PRH1: variants seen among roughly 807,000 people sequenced by gnomAD.
PRH1 encodes proline rich protein HaeIII subfamily 1.
PRH1 carries 7 observed loss-of-function variants against 7.9 expected under a neutral mutation model. The observed-to-expected ratio is 0.89, with a 90% CI of 0.50 to 1.67. PRH1 has a LOEUF of 1.67. PRH1 is among the 40% of genes most tolerant of loss of function. The pLI is 0.00. For missense variants in PRH1, 109 were observed against 223.6 expected (o/e 0.49, Z 3.27); for synonymous variants, 45 against 80.8 (o/e 0.56, Z 2.38).
intron 2 of PRH1, among the ~76,000 whole-genome samples, chr12:10,965,627 A>G (rs1041906322): frequency 1.3e-5 from 2 of 152,350 alleles, no homozygotes; most frequent in South Asian, 2.1e-4. Flanking sequence ...CTTGTTAGAT[A>G]CTGAAGTAGA....
chr12:11,117,444 T>C (rs1430034444), downstream of PRH1, among the ~76,000 whole-genome samples: 2 of 152,166 alleles, frequency 1.3e-5, no homozygotes, highest in Non-Finnish European at 2.9e-5. Context: ...AGATAGTCCA[T>C]GTTCATGGAT....
At chr12:10,953,303 G>T (rs1024576293) in intron 2 of PRH1, among the ~76,000 whole-genome samples, 5 of 152,100 alleles carry the variant, frequency 3.3e-5, no homozygotes, top group African/African-American at 7.2e-5. Flanking sequence ...ACCATGGATA[G>T]GAACAAAGAT....
chr12:11,125,579 CAAAAT>C (rs1325298188), intron 1 of PRH1, among the ~76,000 whole-genome samples: 3 of 152,278 alleles, frequency 2.0e-5, no homozygotes, highest in Non-Finnish European at 4.4e-5. Flanking sequence ...TTTGTAGTAT[CAAAAT>C]ATTTTTCCTC....
intron 1 of PRH1, among the ~76,000 whole-genome samples, chr12:11,087,893 G>A (rs1178509151): frequency 9.1e-6 from 1 of 109,642 alleles, no homozygotes; most frequent in South Asian, 2.5e-4. Context: ...TTGGTGAATG[G>A]TTCTTAATCT....
At chr12:11,039,764 GCTA>G (rs1942625905) in intron 1 of PRH1, among the ~76,000 whole-genome samples, 1 of 152,196 alleles carries the variant, frequency 6.6e-6, no homozygotes, top group Non-Finnish European at 1.5e-5. Flanking sequence ...AATCCTGGTG[GCTA>G]CTAATACTTT....
At chr12:11,044,834 G>A (rs1196251369) in intron 1 of PRH1, among the ~76,000 whole-genome samples, 1 of 152,092 alleles carries the variant, frequency 6.6e-6, no homozygotes, top group East Asian at 1.9e-4. Flanking sequence ...TGGAGAAACG[G>A]GAACCATTCT....
intron 1 of PRH1, among the ~76,000 whole-genome samples, chr12:11,046,523 G>A (rs1942904557): frequency 6.6e-6 from 1 of 152,000 alleles, no homozygotes; most frequent in South Asian, 2.1e-4. Context: ...GTTTTCTTCT[G>A]ACGTTTTAGT....
intron 1 of PRH1, among the ~76,000 whole-genome samples, chr12:11,005,467 G>A (rs926670284): frequency 6.6e-6 from 1 of 152,066 alleles, no homozygotes; most frequent in Non-Finnish European, 1.5e-5. Flanking sequence ...GACCACTGTG[G>A]ATTGATTTTT....
At chr12:10,936,144 C>T (rs563051683) in intron 2 of PRH1, among the ~76,000 whole-genome samples, 2 of 151,852 alleles carry the variant, frequency 1.3e-5, no homozygotes, top group African/African-American at 4.8e-5. Context: ...CCCACCACCC[C>T]GCCCCCACAC....
At chr12:10,950,470 C>G (rs1047719721) in intron 2 of PRH1, among the ~76,000 whole-genome samples, 7 of 151,776 alleles carry the variant, frequency 4.6e-5, no homozygotes, top group Admixed American at 4.6e-4. Flanking sequence ...TGAAATGTAA[C>G]TGTAGTTTAA....
At chr12:11,051,510 C>A (rs1235264418), upstream of PRH1, among the ~76,000 whole-genome samples, 1 of 152,134 alleles carries the variant, frequency 6.6e-6, no homozygotes, top group East Asian at 1.9e-4. Context: ...GTCATAAACA[C>A]TCATGTAACC....
At chr12:10,885,635 G>C (rs1424888366), upstream of PRH1, among the ~76,000 whole-genome samples, 1 of 152,200 alleles carries the variant, frequency 6.6e-6, no homozygotes, top group Non-Finnish European at 1.5e-5. Context: ...CTCCTCAGCT[G>C]CTGATTGCTC....
intron 2 of PRH1, chr12:10,938,712 T>C (rs372818667): frequency 6.2e-7 from 1 of 1,613,892 alleles, no homozygotes; most frequent in Non-Finnish European, 8.5e-7. Flanking sequence ...GAATCAGAAC[T>C]GCAAGTCTTG....
intron 2 of PRH1, chr12:10,909,004 G>C: frequency 6.2e-7 from 1 of 1,613,706 alleles, no homozygotes. Context: ...ATTGTAGCAA[G>C]CCAGAGATTG....
At chr12:11,116,615 C>T (rs1335798364), downstream of PRH1, among the ~76,000 whole-genome samples, 2 of 151,962 alleles carry the variant, frequency 1.3e-5, no homozygotes, top group African/African-American at 4.8e-5. Flanking sequence ...GACAAAGACA[C>T]ATCTAAAAAG....
intron 2 of PRH1, among the ~76,000 whole-genome samples, chr12:10,928,275 T>A (rs1254822421): frequency 1.3e-5 from 2 of 152,142 alleles, no homozygotes; most frequent in African/African-American, 4.8e-5. Context: ...AGAAGACCAA[T>A]CAAGGCATTT....
At chr12:11,138,602 T>A (rs1457173097) in intron 1 of PRH1, among the ~76,000 whole-genome samples, 2 of 152,198 alleles carry the variant, frequency 1.3e-5, no homozygotes, top group Non-Finnish European at 2.9e-5. Context: ...GACACTGAAA[T>A]GTGAATTATG....
Position 11,057,233 on chromosome 12 carries a change from A to T in PRH1, n.124-10045T>A, listed in dbSNP as rs751350316. Among the ~76,000 whole-genome samples the T allele has an allele frequency of 2.4e-4, 37 of 152,304 alleles. 1 individual carries two copies. The highest frequency in any genetic ancestry group is 4.6e-4 in the Non-Finnish European group (31 of 68,016). ...GTTGCAAAGGGAACTCCTGCTCTCA[A>T]GGGATTCTCCCACCTTGGCCTCCCA... is the stretch of plus-strand genomic sequence containing the variant. On this transcript the variant is annotated intron_variant and non_coding_transcript_variant, in intron 1 of 4. Coordinates refer to the PRH1 transcript ENST00000541977.
At chr12:11,068,741 T>G (rs1943929140) in intron 1 of PRH1, among the ~76,000 whole-genome samples, 1 of 152,192 alleles carries the variant, frequency 6.6e-6, no homozygotes, top group East Asian at 1.9e-4. Flanking sequence ...AGATCATTAT[T>G]TCTATAATAA....
Sources: allele counts gnomAD v4.1 joint callset (sites outside exome capture counted in the v4.1 genomes callset), GRCh38; gene constraint gnomAD v4.1.1; transcripts MANE v1.5; gene names NCBI Gene and HGNC (gene_info 2026-07-23, HGNC 2026-07-21).